Variants in RGPD2 observed in about 807,000 individuals in gnomAD.
RGPD2 encodes RANBP2 like and GRIP domain containing 2, also known as RANBP2-like and GRIP domain-containing protein 2.
A neutral mutation model predicts 36.0 loss-of-function variants in RGPD2; 2 were observed. That is an observed-to-expected ratio of 0.06 (90% CI 0.02 to 0.17). RGPD2 has a LOEUF of 0.17. Ranked by LOEUF, RGPD2 falls within the 10% of genes least tolerant of loss-of-function variation. The probability of loss-of-function intolerance (pLI) is 1.00; values close to 1 mark genes in which losing one functional copy is unlikely to be tolerated. For missense variants in RGPD2, 40 were observed against 464.3 expected, an observed-to-expected ratio of 0.09 and a Z score of 8.40; for synonymous variants, 19 against 163.8, an observed-to-expected ratio of 0.12 and a Z score of 6.75.
At chr2:87,933,890 T>A in the RGPD2 span, among the ~76,000 whole-genome samples, 2 of 113,756 alleles carry the variant, frequency 1.8e-5, 1 homozygote, top group Non-Finnish European at 3.7e-5. Context: ...CTCAGTAACC[T>A]TCATTCCTCT....
At chr2:87,910,550 G>A in the RGPD2 span, among the ~76,000 whole-genome samples, 2 of 152,230 alleles carry the variant, frequency 1.3e-5, no homozygotes, top group African/African-American at 4.8e-5. Flanking sequence ...TCAACTGTTT[G>A]TTGTGAGTTC....
chr2:87,988,544 T>A, the RGPD2 span, among the ~76,000 whole-genome samples: 13,259 of 73,686 alleles, frequency 0.18, 1,715 homozygotes, highest in Non-Finnish European at 0.24. Context: ...TATATATATT[T>A]TTTTTTTTTC....
chr2:87,864,560 G>C, the RGPD2 span, among the ~76,000 whole-genome samples: 2 of 151,908 alleles, frequency 1.3e-5, no homozygotes, highest in African/African-American at 4.8e-5. Context: ...ATCTTATATA[G>C]CTAGACATAG....
chr2:87,905,694 C>T, the RGPD2 span, among the ~76,000 whole-genome samples: 18 of 147,488 alleles, frequency 1.2e-4, no homozygotes, highest in African/African-American at 3.0e-4. Flanking sequence ...ATTATACATA[C>T]GCATACAGTT....
the RGPD2 span, chr2:87,986,047 C>A: frequency 3.1e-6 from 2 of 639,360 alleles, no homozygotes; most frequent in Non-Finnish European, 5.4e-6. Context: ...CATTAAAGAG[C>A]CAATGAGATG....
At chr2:87,769,646 T>C (rs1205771905) in intron 22 of RGPD2, among the ~76,000 whole-genome samples, 1 of 152,010 alleles carries the variant, frequency 6.6e-6, no homozygotes, top group East Asian at 1.9e-4. Context: ...CTGTTAGACA[T>C]GCTGAGTATT....
intron 17 of RGPD2, among the ~76,000 whole-genome samples, chr2:87,790,012 G>GA (rs1168167580): frequency 6.6e-6 from 1 of 152,092 alleles, no homozygotes; most frequent in African/African-American, 2.4e-5. Context: ...CCCAACCCTA[G>GA]AACCTACAAA....
the RGPD2 span, among the ~76,000 whole-genome samples, chr2:87,947,430 C>G: frequency 6.6e-6 from 1 of 152,308 alleles, no homozygotes; most frequent in Non-Finnish European, 1.5e-5. Flanking sequence ...CTGTGAAACT[C>G]ACTCATTTCC....
At chr2:87,957,238 G>GGC in the RGPD2 span, among the ~76,000 whole-genome samples, 9 of 142,024 alleles carry the variant, frequency 6.3e-5, no homozygotes, top group South Asian at 2.3e-4. Flanking sequence ...AAGGTCACTG[G>GGC]GGGGGGGCTC....
At chr2:87,781,189 C>G in intron 20 of RGPD2, 1 of 165,058 alleles carries the variant, frequency 6.1e-6, no homozygotes, top group Middle Eastern at 1.5e-3. Flanking sequence ...GGAAGGGGTG[C>G]TAGTCCAAAA....
chr2:87,966,185 G>A, the RGPD2 span, among the ~76,000 whole-genome samples: 1 of 152,254 alleles, frequency 6.6e-6, no homozygotes, highest in Non-Finnish European at 1.5e-5. Context: ...GGTTATTCTT[G>A]TCTCACAGTC....
At chr2:87,977,703 T>G in the RGPD2 span, among the ~76,000 whole-genome samples, 1 of 151,778 alleles carries the variant, frequency 6.6e-6, no homozygotes, top group Non-Finnish European at 1.5e-5. Flanking sequence ...TAGAATCTCA[T>G]TCTCATAAAC....
At chr2:87,864,571 A>G in the RGPD2 span, among the ~76,000 whole-genome samples, 1 of 150,080 alleles carries the variant, frequency 6.7e-6, no homozygotes, top group African/African-American at 2.5e-5. Flanking sequence ...CTAGACATAG[A>G]TAGATGATAG....
At chr2:87,881,367 C>T in the RGPD2 span, among the ~76,000 whole-genome samples, 1 of 152,394 alleles carries the variant, frequency 6.6e-6, no homozygotes, top group East Asian at 1.9e-4. Context: ...TACCTCCACA[C>T]TGCTCTGTCA....
the RGPD2 span, chr2:87,985,635 C>T: frequency 5.4e-3 from 6,230 of 1,162,696 alleles, 169 homozygotes; most frequent in East Asian, 0.07. Context: ...GAATATGGTA[C>T]GCCTATTATG....
the RGPD2 span, among the ~76,000 whole-genome samples, chr2:87,883,572 C>T: frequency 6.6e-6 from 1 of 151,816 alleles, no homozygotes; most frequent in South Asian, 2.1e-4. Context: ...CTACAATAGA[C>T]TCATCTCAAC....
the RGPD2 span, among the ~76,000 whole-genome samples, chr2:87,910,453 T>C: frequency 3.5e-3 from 537 of 152,286 alleles, no homozygotes; most frequent in Middle Eastern, 0.024. Flanking sequence ...GAAAAATGAA[T>C]TTCTAAGTAG....
the RGPD2 span, among the ~76,000 whole-genome samples, chr2:87,907,414 TAAAAAAAAAAAAAAAAAAAAAAAAAAAA>T: frequency 4.4e-3 from 15 of 3,440 alleles, no homozygotes; most frequent in Non-Finnish European, 5.8e-3. Context: ...TAGAGTATAA[TAAAAAAAAAAAAAAAAAAAAAAAAAAAA>T]AAAAAAAAAA....
chr2:87,834,743 T>C, the RGPD2 span, among the ~76,000 whole-genome samples: 1 of 152,074 alleles, frequency 6.6e-6, no homozygotes, highest in Non-Finnish European at 1.5e-5. Context: ...CCAATATTGT[T>C]AAGATGCCCA....
Sources: gnomAD v4.1 joint callset for allele counts (sites outside exome capture counted in the v4.1 genomes callset) on GRCh38, gnomAD v4.1.1 for gene constraint, MANE v1.5 for transcripts, NCBI Gene and HGNC (gene_info 2026-07-23, HGNC 2026-07-21) for gene names.